The following ZBTB20 variants were observed in gnomAD, a reference collection of about 807,000 sequenced individuals.
ZBTB20 encodes the protein zinc finger and BTB domain containing 20.
ZBTB20 carries 9 observed loss-of-function variants against 56.9 expected under a neutral mutation model. The observed-to-expected ratio is 0.16, with a 90% CI of 0.10 to 0.28. The LOEUF (loss-of-function observed/expected upper bound fraction) is 0.28, where lower values mean the gene tolerates loss of function less well. ZBTB20 is among the 10% of genes least tolerant of loss of function. The pLI is 1.00. For synonymous variants in ZBTB20, 417 were observed against 420.7 expected, an observed-to-expected ratio of 0.99 and a Z score of 0.11; for missense variants, 655 against 1,003.0, an observed-to-expected ratio of 0.65 and a Z score of 4.69.
intron 2 of ZBTB20, among the ~76,000 whole-genome samples, chr3:115,067,608 A>T (rs1264030650): frequency 6.6e-6 from 1 of 152,010 alleles, no homozygotes; most frequent in African/African-American, 2.4e-5. Flanking sequence ...TCCACAGCAC[A>T]TCCCTCTGAT....
chr3:114,702,398 A>G (rs796178156), intron 5 of ZBTB20, among the ~76,000 whole-genome samples: 3 of 152,266 alleles, frequency 2.0e-5, no homozygotes, highest in African/African-American at 4.8e-5. Context: ...TAACATTTCA[A>G]TCTGGATGTG....
intron 4 of ZBTB20, among the ~76,000 whole-genome samples, chr3:114,847,377 A>G (rs2074764655): frequency 6.6e-6 from 1 of 151,918 alleles, no homozygotes; most frequent in South Asian, 2.1e-4. Flanking sequence ...AATATGCCTC[A>G]TTTACACTGA....
At position 114,859,576 on chromosome 3, in the gene ZBTB20, T is replaced by G. The variant is rs1173848466; in HGVS notation, c.-417+40728A>C. The stretch of plus-strand genomic sequence containing the variant: ...ATTTAGATAACTTCTTATGGCGTTT[T>G]TTTTTTTTTTTTTTGAGTTTATAGA... On this transcript the variant is annotated intron_variant, in intron 4 of 11. Coordinates refer to ENST00000675478, the MANE Select transcript of ZBTB20 (RefSeq NM_001348800.3). Among the ~76,000 whole-genome samples, 4 of 17,150 alleles carry G rather than the reference T, an allele frequency of 2.3e-4. No homozygotes were observed. In the Non-Finnish European group the frequency reaches 6.7e-3, roughly 29 times the overall value. 11.3% of individuals were successfully genotyped at this position (17,150 alleles called of 152,430 possible).
chr3:114,836,875 C>T (rs1357049119), intron 4 of ZBTB20, among the ~76,000 whole-genome samples: 1 of 152,184 alleles, frequency 6.6e-6, no homozygotes, highest in East Asian at 1.9e-4. Context: ...TAAAATTCTA[C>T]AAGTTATATA....
At chr3:114,532,832 G>A (rs1055051175) in intron 6 of ZBTB20, among the ~76,000 whole-genome samples, 8 of 152,162 alleles carry the variant, frequency 5.3e-5, no homozygotes, top group Admixed American at 5.2e-4. Flanking sequence ...CTCTGCTGGT[G>A]GTACCCAGGC....
At chr3:114,798,744 T>A (rs1296587099) in intron 5 of ZBTB20, among the ~76,000 whole-genome samples, 2 of 151,958 alleles carry the variant, frequency 1.3e-5, no homozygotes, top group Non-Finnish European at 2.9e-5. Flanking sequence ...AACTTTTCAA[T>A]CTTAAAATAT....
At chr3:114,821,159 C>G (rs1328994597) in intron 4 of ZBTB20, among the ~76,000 whole-genome samples, 3 of 152,202 alleles carry the variant, frequency 2.0e-5, no homozygotes, top group Admixed American at 6.5e-5. Context: ...ATGTAATAAC[C>G]TTCTAAGTAA....
intron 6 of ZBTB20, among the ~76,000 whole-genome samples, chr3:114,692,923 T>C (rs189862494): frequency 2.1e-3 from 326 of 152,288 alleles, no homozygotes; most frequent in Non-Finnish European, 4.1e-3. Context: ...GCCTTATTTA[T>C]GTCTTTGAAG....
At chr3:114,583,902 T>C (rs763434304) in intron 6 of ZBTB20, among the ~76,000 whole-genome samples, 16 of 152,186 alleles carry the variant, frequency 1.1e-4, no homozygotes, top group Non-Finnish European at 1.5e-4. Flanking sequence ...TTGCCTGAAA[T>C]GAAAGTTTTA....
In ZBTB20 at chr3:114,315,492, G is replaced by A. The variant is rs1196203360; in HGVS notation, c.*23513C>T. On this transcript the variant is annotated 3_prime_UTR_variant, in exon 12 of 12. Transcript: ENST00000675478. The stretch of plus-strand genomic sequence containing the variant: ...TGAATGAATGGATATGTATGTGTGT[G>A]TGCATGTGTGTATGTTTTAGGTCAC... 1 of 152,146 alleles carries A rather than the reference G, an allele frequency of 6.6e-6. No homozygotes were observed. The highest frequency in any genetic ancestry group is 1.5e-5 in the Non-Finnish European group (1 of 68,072). The allele number at this position is 152,146 out of a possible 1,614,324, so 9.4% of individuals were successfully genotyped here.
At position 114,324,961 on chromosome 3, in the gene ZBTB20, G is replaced by A. The variant is rs989159607; in HGVS notation, c.*14044C>T. 2 of 152,090 alleles carry A rather than the reference G, an allele frequency of 1.3e-5. No individual in the cohort carries two copies. Among genetic ancestry groups the A allele is most frequent in the African/African-American group, 4.8e-5 (2 of 41,390 alleles). 9.4% of individuals were successfully genotyped at this position (152,090 alleles called of 1,614,324 possible). ...GTAGTTTAAAATAGATTGTGGGAAAGGAATTAAGCATAGTGGGGTCAGCAC... is the reference window on the plus strand; with the variant it reads ...GTAGTTTAAAATAGATTGTGGGAAAAGAATTAAGCATAGTGGGGTCAGCAC... On this transcript the variant is annotated 3_prime_UTR_variant, in exon 12 of 12. Coordinates refer to ENST00000675478, the MANE Select transcript of ZBTB20 (RefSeq NM_001348800.3).
At chr3:114,636,245 G>A (rs1225515015) in intron 6 of ZBTB20, among the ~76,000 whole-genome samples, 1 of 152,122 alleles carries the variant, frequency 6.6e-6, no homozygotes, top group Non-Finnish European at 1.5e-5. Flanking sequence ...AACATGCAGA[G>A]GGGTGTTCAC....
chr3:114,369,171 A>C (rs2082727558), intron 10 of ZBTB20, among the ~76,000 whole-genome samples: 1 of 152,182 alleles, frequency 6.6e-6, no homozygotes, highest in African/African-American at 2.4e-5. Context: ...TACAGTAAAA[A>C]ATTGAAGGAC....
At chr3:114,783,533 T>C (rs1031620315) in intron 5 of ZBTB20, among the ~76,000 whole-genome samples, 1 of 152,098 alleles carries the variant, frequency 6.6e-6, no homozygotes, top group African/African-American at 2.4e-5. Flanking sequence ...CGGTGGCTCA[T>C]GCCTGTAATC....
intron 2 of ZBTB20, among the ~76,000 whole-genome samples, chr3:115,068,317 AAAG>A (rs1377504010): frequency 6.6e-6 from 1 of 152,070 alleles, no homozygotes; most frequent in African/African-American, 2.4e-5. Flanking sequence ...TGGTATACCT[AAAG>A]AGACAAAACG....
intron 7 of ZBTB20, among the ~76,000 whole-genome samples, chr3:114,418,394 T>C (rs1393337293): frequency 6.6e-6 from 1 of 152,066 alleles, no homozygotes; most frequent in Admixed American, 6.6e-5. Flanking sequence ...CATGCAAATT[T>C]ATTCAAATTC....
chr3:114,933,087 A>G (rs552086373), intron 3 of ZBTB20, among the ~76,000 whole-genome samples: 4 of 152,324 alleles, frequency 2.6e-5, no homozygotes, highest in South Asian at 2.1e-4. Flanking sequence ...CCTAAAACCC[A>G]TAAGTAAAGC....
intron 5 of ZBTB20, among the ~76,000 whole-genome samples, chr3:114,710,088 T>C (rs2063965261): frequency 6.6e-6 from 1 of 152,300 alleles, no homozygotes; most frequent in Middle Eastern, 3.4e-3. Context: ...TATGAAACAA[T>C]AATTTGTTTG....
intron 10 of ZBTB20, among the ~76,000 whole-genome samples, chr3:114,359,710 T>G (rs1289059233): frequency 2.0e-5 from 3 of 152,230 alleles, no homozygotes; most frequent in Non-Finnish European, 2.9e-5. Flanking sequence ...CCAAAGGATC[T>G]ACTTAAATTC....
Sources: allele counts gnomAD v4.1 joint callset (sites outside exome capture counted in the v4.1 genomes callset), GRCh38; gene constraint gnomAD v4.1.1; transcripts MANE v1.5; gene names NCBI Gene and HGNC (gene_info 2026-07-23, HGNC 2026-07-21).